The following ADK variants were observed in gnomAD, a reference collection of about 807,000 sequenced individuals.
ADK encodes the protein adenosine kinase.
ADK carries 24 observed loss-of-function variants against 44.7 expected under a neutral mutation model. That is an observed-to-expected ratio of 0.54 (90% CI 0.39 to 0.76). The LOEUF is 0.76. Ranked by LOEUF, ADK falls within the 30% of genes least tolerant of loss-of-function variation. The probability of loss-of-function intolerance (pLI) is 0.00; values close to 1 mark genes in which losing one functional copy is unlikely to be tolerated. For synonymous variants in ADK, 128 were observed against 142.6 expected, an observed-to-expected ratio of 0.90 and a Z score of 0.73; for missense variants, 321 against 425.1, an observed-to-expected ratio of 0.76 and a Z score of 2.15.
At chr10:74,448,408 A>G (rs973336639) in intron 6 of ADK, among the ~76,000 whole-genome samples, 11 of 152,066 alleles carry the variant, frequency 7.2e-5, no homozygotes, top group Admixed American at 3.9e-4. Context: ...AATCATTTTT[A>G]CCTCATTAGA....
chr10:74,499,092 C>T (rs866476637), intron 6 of ADK, among the ~76,000 whole-genome samples: 1 of 152,170 alleles, frequency 6.6e-6, no homozygotes. Flanking sequence ...CACTCTGTCA[C>T]CCAGGCTGGA....
At chr10:74,372,343 C>T (rs1354434164) in intron 4 of ADK, 5 of 746,228 alleles carry the variant, frequency 6.7e-6, no homozygotes, top group Non-Finnish European at 1.2e-5. Context: ...GCTGAGCCTG[C>T]CACGGAAGGC....
chr10:74,560,490 C>T (rs1018033741), intron 7 of ADK, among the ~76,000 whole-genome samples: 4 of 152,128 alleles, frequency 2.6e-5, no homozygotes, highest in Admixed American at 1.3e-4. Flanking sequence ...GATGCTTTAG[C>T]GTAGCAGCAG....
rs902039568 is a variant in ADK at position 74,628,511 on chromosome 10, A to C, written c.877+28018A>C. Among the ~76,000 whole-genome samples, 8 of 151,582 alleles carry C rather than the reference A, an allele frequency of 5.3e-5. 1 individual carries two copies. In the South Asian group the frequency reaches 8.4e-4, roughly 16 times the overall value. On this transcript the variant is annotated intron_variant, in intron 9 of 10. Coordinates refer to ENST00000539909, the MANE Select transcript of ADK (RefSeq NM_006721.4). Reference sequence around the variant, plus strand: ...CCAGGTGAGGCAGATGTTCTGAAGAATCTCACTCGTCTCACCTGGATTAAG... The same window carrying C: ...CCAGGTGAGGCAGATGTTCTGAAGACTCTCACTCGTCTCACCTGGATTAAG...
intron 8 of ADK, among the ~76,000 whole-genome samples, chr10:74,590,111 T>C (rs1384448762): frequency 6.6e-6 from 1 of 152,200 alleles, no homozygotes; most frequent in East Asian, 1.9e-4. Flanking sequence ...GAACCCAGGT[T>C]AACTGACAGA....
chr10:74,450,118 A>G (rs1845721553), intron 6 of ADK, among the ~76,000 whole-genome samples: 1 of 152,178 alleles, frequency 6.6e-6, no homozygotes, highest in South Asian at 2.1e-4. Context: ...CAGCCTGGGC[A>G]ACATAGCGAA....
At chr10:74,278,153 A>G (rs561623683) in intron 3 of ADK, among the ~76,000 whole-genome samples, 1 of 152,050 alleles carries the variant, frequency 6.6e-6, no homozygotes, top group East Asian at 1.9e-4. Flanking sequence ...CAGGAGTTTG[A>G]GACCAGCCTG....
chr10:74,344,167 G>T (rs1389258647), intron 4 of ADK, among the ~76,000 whole-genome samples: 2 of 152,068 alleles, frequency 1.3e-5, no homozygotes, highest in African/African-American at 4.8e-5. Context: ...TCTGATTTTA[G>T]AGTATCATAG....
At chr10:74,363,058 C>G (rs1196801063) in intron 4 of ADK, among the ~76,000 whole-genome samples, 2 of 152,220 alleles carry the variant, frequency 1.3e-5, no homozygotes, top group Non-Finnish European at 1.5e-5. Context: ...CTGATTGGCT[C>G]ACCTCATTGG....
intron 2 of ADK, among the ~76,000 whole-genome samples, chr10:74,222,151 A>C (rs1844336146): frequency 6.6e-6 from 1 of 152,106 alleles, no homozygotes; most frequent in African/African-American, 2.4e-5. Flanking sequence ...CAATGAACTC[A>C]AACAAATTTA....
intron 5 of ADK, 130 bp downstream of exon 5, chr10:74,394,443 A>T (rs770870702): frequency 1.8e-5 from 16 of 887,784 alleles, no homozygotes; most frequent in Non-Finnish European, 2.3e-5. Context: ...CTTATTCCTT[A>T]TATCAGTTTT....
intron 7 of ADK, among the ~76,000 whole-genome samples, chr10:74,536,253 G>A (rs1262430456): frequency 6.6e-6 from 1 of 151,884 alleles, no homozygotes; most frequent in Non-Finnish European, 1.5e-5. Flanking sequence ...CTTAACTGTA[G>A]TGCCTTTGAA....
At chr10:74,627,706 C>T (rs553177144) in intron 9 of ADK, among the ~76,000 whole-genome samples, 2 of 152,226 alleles carry the variant, frequency 1.3e-5, no homozygotes, top group East Asian at 3.9e-4. Flanking sequence ...GATCTCGGCT[C>T]ACTGCAACCT....
intron 3 of ADK, among the ~76,000 whole-genome samples, chr10:74,276,204 G>C (rs189438547): frequency 6.6e-6 from 1 of 152,230 alleles, no homozygotes; most frequent in East Asian, 1.9e-4. Flanking sequence ...ATATGATTCT[G>C]TTGTGTAATA....
At chr10:74,165,750 C>T (rs918130786) in intron 1 of ADK, among the ~76,000 whole-genome samples, 1 of 151,908 alleles carries the variant, frequency 6.6e-6, no homozygotes, top group African/African-American at 2.4e-5. Flanking sequence ...AGATAAGCAC[C>T]CTGTTTAAAG....
intron 6 of ADK, among the ~76,000 whole-genome samples, 167 bp downstream of exon 6, chr10:74,398,746 T>C (rs559689950): frequency 6.6e-5 from 10 of 152,238 alleles, no homozygotes; most frequent in African/African-American, 2.4e-4. Flanking sequence ...CAGAAATCAT[T>C]ATCTTTCTAT....
chr10:74,345,883 G>T lies in ADK; in HGVS notation c.273+31138G>T, dbSNP rs139379840. On this transcript the variant is annotated intron_variant, in intron 4 of 10. Coordinates refer to ENST00000539909, the MANE Select transcript of ADK (RefSeq NM_006721.4). ...CATTTTGTTGCATTTAAAATTTCTG[G>T]GTTTTTGTTGTTGTTGTTGTTGTTG... Among the ~76,000 whole-genome samples, 748 of 152,018 alleles carry T rather than the reference G, an allele frequency of 4.9e-3. 5 individuals are homozygous for T. Among genetic ancestry groups the T allele is most frequent in the African/African-American group, 0.017 (704 of 41,478 alleles).
intron 3 of ADK, among the ~76,000 whole-genome samples, chr10:74,304,548 C>G (rs915929344): frequency 1.3e-5 from 2 of 151,988 alleles, no homozygotes; most frequent in African/African-American, 4.8e-5. Flanking sequence ...CAGTAGGTGA[C>G]AGGGATACAA....
intron 9 of ADK, among the ~76,000 whole-genome samples, chr10:74,642,827 C>CT (rs770015945): frequency 0.024 from 1,866 of 77,418 alleles, 39 homozygotes; most frequent in East Asian, 0.049. Flanking sequence ...ATCTTAAGTT[C>CT]TTTTTTTTTT....
Sources: allele counts gnomAD v4.1 joint callset (sites outside exome capture counted in the v4.1 genomes callset), GRCh38; gene constraint gnomAD v4.1.1; transcripts MANE v1.5; gene names NCBI Gene and HGNC (gene_info 2026-07-23, HGNC 2026-07-21).